The following HSF4 variants were observed in gnomAD, a reference collection of about 807,000 sequenced individuals.
The protein encoded by HSF4 is heat shock transcription factor 4, also known as heat shock factor protein 4.
In HSF4, 41 loss-of-function variants were observed where a neutral mutation model predicts 52.0. That is an observed-to-expected ratio of 0.79 (90% CI 0.61 to 1.02). The LOEUF (loss-of-function observed/expected upper bound fraction) is 1.02, where lower values mean the gene tolerates loss of function less well. Among genes scored for constraint, HSF4 ranks in the 50% least tolerant of loss-of-function variants. The pLI is 0.00. For synonymous variants in HSF4, 285 were observed against 273.0 expected, an observed-to-expected ratio of 1.04 and a Z score of -0.43; for missense variants, 610 against 651.1, an observed-to-expected ratio of 0.94 and a Z score of 0.69.
rs1045134311 is a variant in HSF4 at position 67,167,193 on chromosome 16, C to T, written c.700C>T (p.Leu234Phe). 1 of 1,614,198 alleles carries T rather than the reference C, an allele frequency of 6.2e-7. No homozygotes were observed. The highest frequency in any genetic ancestry group is 8.5e-7 in the Non-Finnish European group (1 of 1,180,016). ...KFNTCPLPGA[L>F]LQDPYFIQSP... Reference sequence around the variant, plus strand: ...CAACACCTGCCCTCTACCTGGTGCCCTTCTGCAGGACCCCTACTTCATCCA... The same window carrying T: ...CAACACCTGCCCTCTACCTGGTGCCTTTCTGCAGGACCCCTACTTCATCCA... Residue 234 changes from leucine (L) to phenylalanine (F), a missense_variant, in exon 7 of 13, where the codon CTT becomes TTT. By Grantham distance (22) the Leu-to-Phe change is conservative. Transcript: ENST00000521374.
At chr16:67,163,976 T>A (rs779499460), upstream of HSF4, 9 of 1,177,618 alleles carry the variant, frequency 7.6e-6, no homozygotes, top group South Asian at 1.2e-4. Context: ...TCGGGACCAG[T>A]CCTGGGCGCC....
rs1355772466 is a variant in HSF4 at position 67,166,311 on chromosome 16, C to T, written c.486-9C>T. 6 of 1,610,918 alleles carry T rather than the reference C, an allele frequency of 3.7e-6. No individual in the cohort carries two copies. In the African/African-American group the frequency reaches 6.7e-5, roughly 18 times the overall value. ...CAGATGCCTCAGCACCCTCCCACCC[C>T]TTCCTCAGGCAGAACGAGATCTTGT... On this transcript the variant is annotated splice_polypyrimidine_tract_variant and intron_variant, in intron 4 of 12. Transcript: ENST00000521374.
chr16:67,164,738 A>G (rs1485130431), upstream of HSF4: 3 of 1,501,950 alleles, frequency 2.0e-6, no homozygotes, highest in East Asian at 5.1e-5. Flanking sequence ...CGGGCGGCAA[A>G]CGCAGCACTT....
chr16:67,168,039 C>A, intron 9 of HSF4, 92 bp downstream of exon 9: 1 of 1,044,006 alleles, frequency 9.6e-7, no homozygotes, highest in Non-Finnish European at 1.4e-6. Context: ...CCATGATACT[C>A]ACCTGATTTC....
Position 67,167,494 on chromosome 16 carries a change from T to G in HSF4, c.749T>G (p.Leu250Trp). 1.2e-6 allele frequency: 2 copies of G among 1,613,820 alleles called. No individual in the cohort carries two copies. Among genetic ancestry groups the G allele is most frequent in the East Asian group, 2.2e-5 (1 of 44,888 alleles). ...TTACAGCCTCTCCCAGAGACAAATT[T>G]GGGCCTTAGCCCTCACAGGGCCAGG... ...FIQSPLPETN[L>W]GLSPHRARGP... The change falls in exon 8 of 13, where the codon TTG becomes TGG. Residue 250 changes from leucine (L) to tryptophan (W), a missense_variant. Leu to Trp is a moderately conservative substitution (Grantham distance 61, BLOSUM62 -2). Coordinates refer to ENST00000521374, the MANE Select transcript of HSF4 (RefSeq NM_001374675.1).
At chr16:67,168,996 G>C (rs1440117932) in intron 10 of HSF4, 40 bp from the exon 11 acceptor site, 1 of 1,613,752 alleles carries the variant, frequency 6.2e-7, no homozygotes, top group South Asian at 1.1e-5. Context: ...GCTCTCTGTG[G>C]AGCCTGGGGA....
chr16:67,169,115 C>A lies in HSF4; in HGVS notation c.1254+14C>A, dbSNP rs751504671. The A allele has an allele frequency of 1.2e-6, 2 of 1,611,454 alleles. No homozygotes were observed. The highest frequency in any genetic ancestry group is 1.7e-6 in the Non-Finnish European group (2 of 1,179,830). ...GAGCTGTCCTTGGTAAGAAGTGGGT[C>A]GGGGAGGGCAGAGGCCAGGGGTGGC... On this transcript the variant is annotated intron_variant, in intron 11 of 12. Coordinates refer to ENST00000521374, the MANE Select transcript of HSF4 (RefSeq NM_001374675.1). This position sits in a 1 kb window ranked among gnomAD's most constrained non-coding sequence, Gnocchi z 4.3.
Position 67,165,650 on chromosome 16 carries a change from C to A in HSF4, c.232+20C>A. ...ACATGTGTGAGTCCCTACGGCCGGG[C>A]GGGGAGCGGGGATGGGGGACTCGGT... On this transcript the variant is annotated intron_variant, in intron 2 of 12. Transcript: ENST00000521374. This position sits in a 1 kb window ranked among gnomAD's most constrained non-coding sequence, Gnocchi z 6.9. The A allele has an allele frequency of 3.7e-6, 6 of 1,612,442 alleles. No homozygotes were observed. The South Asian group carries it at 5.5e-5, about 15-fold the overall frequency.
In HSF4 at chr16:67,165,110, G is replaced by A. The variant is rs929577454; in HGVS notation, c.123+176G>A. 10 of 705,026 alleles carry A rather than the reference G, an allele frequency of 1.4e-5. No individual in the cohort carries two copies. The African/African-American group carries it at 1.6e-4, about 11-fold the overall frequency. The allele number at this position is 705,026 out of a possible 1,614,324, so 43.7% of individuals were successfully genotyped here. A position where few individuals can be genotyped will look rare whatever the true frequency, so the allele number is the denominator to read the frequency against. On this transcript the variant is annotated intron_variant, in intron 1 of 12. Transcript: ENST00000521374. This position sits in a 1 kb window ranked among gnomAD's most constrained non-coding sequence, Gnocchi z 6.9. ...GAGGGGGGTTTCCTCTGCGGCCGAA[G>A]AAGGGTTAGGAGCCTGCCTTCTGAA...
chr16:67,164,072 C>T, upstream of HSF4: 1 of 698,984 alleles, frequency 1.4e-6, no homozygotes, highest in Non-Finnish European at 2.6e-6. Context: ...GCCTCCACCC[C>T]TCTGCGGACT....
upstream of HSF4, chr16:67,164,535 A>G (rs1231104404): frequency 6.2e-6 from 4 of 645,466 alleles, no homozygotes; most frequent in Admixed American, 4.2e-5. Flanking sequence ...ACTCGAACCC[A>G]AGTCTCCCAC....
chr16:67,167,665 G>GAGGGA, intron 8 of HSF4, 55 bp from the exon 9 acceptor site: 1 of 1,612,136 alleles, frequency 6.2e-7, no homozygotes, highest in Non-Finnish European at 8.5e-7. Flanking sequence ...GATGGCTGTA[G>GAGGGA]GGGTAGAGGG....
Position 67,165,315 on chromosome 16 carries a change from G to A in HSF4, c.124-207G>A. The A allele has an allele frequency of 1.6e-6, 1 of 610,772 alleles. No individual in the cohort carries two copies. The highest frequency in any genetic ancestry group is 1.9e-5 in the South Asian group (1 of 51,964). 37.8% of individuals were successfully genotyped at this position (610,772 alleles called of 1,614,324 possible). A position where few individuals can be genotyped will look rare whatever the true frequency, so the allele number is the denominator to read the frequency against. Reference sequence around the variant, plus strand: ...TGAGTATGGAGTCAGGGTCTGGCTGGGGGTAGGGACTCACTGTGGTCGCTC... The same window carrying A: ...TGAGTATGGAGTCAGGGTCTGGCTGAGGGTAGGGACTCACTGTGGTCGCTC... On this transcript the variant is annotated intron_variant, in intron 1 of 12. Transcript: ENST00000521374. The surrounding 1 kb of genome is among the most constrained non-coding windows in gnomAD (Gnocchi z 6.9).
chr16:67,164,801 G>A lies in HSF4; in HGVS notation c.-11G>A, dbSNP rs759262070. On this transcript the variant is annotated 5_prime_UTR_variant, in exon 1 of 13. Coordinates refer to ENST00000521374, the MANE Select transcript of HSF4 (RefSeq NM_001374675.1). The stretch of plus-strand genomic sequence containing the variant: ...CCGGGCCCGAGCGCAGAGCCGGGCC[G>A]AGACTGCACCATGCAGGAAGCGCCA... 5 of 1,591,738 alleles carry A rather than the reference G, an allele frequency of 3.1e-6. No individual in the cohort carries two copies. The highest frequency in any genetic ancestry group is 3.4e-6 in the Non-Finnish European group (4 of 1,175,622).
chr16:67,167,203 AC>A lies in HSF4; in HGVS notation c.714del (p.Tyr239ThrfsTer80). On this transcript the variant is annotated frameshift_variant, in exon 7 of 13. Transcript: ENST00000521374. LOFTEE classifies it high-confidence loss of function. ...CCTCTACCTGGTGCCCTTCTGCAGGACCCCTACTTCATCCAGTCGGTAGGTT... is the reference window on the plus strand; with the variant it reads ...CCTCTACCTGGTGCCCTTCTGCAGGACCCTACTTCATCCAGTCGGTAGGTT... ...TCPLPGALLQ[D>X]PYFIQSPLPE... is the part of the protein sequence containing the mutation. 6.2e-7 allele frequency: 1 copy of A among 1,613,936 alleles called. No individual in the cohort carries two copies. The highest frequency in any genetic ancestry group is 8.5e-7 in the Non-Finnish European group (1 of 1,179,972).
intron 1 of HSF4, 64 bp downstream of exon 1, chr16:67,164,998 C>T: frequency 6.8e-7 from 1 of 1,478,564 alleles, no homozygotes; most frequent in East Asian, 2.4e-5. Context: ...AGTGAACACC[C>T]ATGCCCGCCC....
rs1334864040 is a variant in HSF4 at position 67,169,922 on chromosome 16, C to T, written c.*137C>T. On this transcript the variant is annotated 3_prime_UTR_variant, in exon 13 of 13. Coordinates refer to ENST00000521374, the MANE Select transcript of HSF4 (RefSeq NM_001374675.1). The surrounding 1 kb of genome is among the most constrained non-coding windows in gnomAD (Gnocchi z 4.3). The stretch of plus-strand genomic sequence containing the variant: ...CTCCACTACCCCGACTATCCCTGCA[C>T]ATAAACTCCGTTTTTTTTTTTTCTG... 3.6e-6 allele frequency: 3 copies of T among 827,574 alleles called. No homozygotes were observed. The South Asian group carries it at 4.5e-5, about 13-fold the overall frequency. The allele number at this position is 827,574 out of a possible 1,614,324, so 51.3% of individuals were successfully genotyped here.
At chr16:67,163,979 T>A (rs748253455), upstream of HSF4, 2 of 1,140,384 alleles carry the variant, frequency 1.8e-6, no homozygotes, top group Non-Finnish European at 2.5e-6. Flanking sequence ...GGACCAGTCC[T>A]GGGCGCCCTG....
rs763501183 is a variant in HSF4 at position 67,167,737 on chromosome 16, T to A, written c.872T>A (p.Leu291Gln). The A allele has an allele frequency of 1.2e-6, 2 of 1,608,404 alleles. No individual in the cohort carries two copies. Among genetic ancestry groups the A allele is most frequent in the Non-Finnish European group, 1.7e-6 (2 of 1,177,812 alleles). ...SDGRREKGLALLKEEPASPGG... is the reference protein window; with the variant it reads ...SDGRREKGLAQLKEEPASPGG... ...TGGTGCAGGGAGAAGGGCCTGGCACTGCTCAAAGAAGAGCCGGCCAGTCCA... is the reference window on the plus strand; with the variant it reads ...TGGTGCAGGGAGAAGGGCCTGGCACAGCTCAAAGAAGAGCCGGCCAGTCCA... The change falls in exon 9 of 13, where the codon CTG (leucine) becomes CAG (glutamine). Residue 291 changes from leucine to glutamine, a missense_variant. Leu to Gln is a moderately radical substitution (Grantham distance 113). Transcript: ENST00000521374.
Sources: allele counts gnomAD v4.1 joint callset, GRCh38; gene constraint gnomAD v4.1.1; non-coding constraint Gnocchi (gnomAD v3.1); transcripts MANE v1.5; gene names NCBI Gene and HGNC (gene_info 2026-07-23, HGNC 2026-07-21).